The following GRIK2 variants were observed in gnomAD, a reference collection of about 807,000 sequenced individuals.
GRIK2 encodes the protein glutamate ionotropic receptor kainate type subunit 2.
GRIK2 carries 32 observed loss-of-function variants against 100.3 expected under a neutral mutation model. The observed-to-expected ratio is 0.32, with a 90% confidence interval of 0.24 to 0.43. The LOEUF (loss-of-function observed/expected upper bound fraction) is 0.43. Ranked by LOEUF, GRIK2 falls within the 20% of genes least tolerant of loss-of-function variation. GRIK2 has a pLI of 1.00. For missense variants in GRIK2, 843 were observed against 1,114.9 expected, an observed-to-expected ratio of 0.76 and a Z score of 3.47; for synonymous variants, 417 against 389.4, an observed-to-expected ratio of 1.07 and a Z score of -0.83.
intron 2 of GRIK2, among the ~76,000 whole-genome samples, chr6:101,615,151 T>A (rs536768859): frequency 1.3e-5 from 2 of 151,908 alleles, no homozygotes; most frequent in Admixed American, 6.6e-5. Flanking sequence ...CTTCTTTTTT[T>A]CTTCTTTTAA....
At chr6:101,564,109 T>C (rs575622921) in intron 2 of GRIK2, among the ~76,000 whole-genome samples, 2 of 152,328 alleles carry the variant, frequency 1.3e-5, no homozygotes, top group South Asian at 2.1e-4. Flanking sequence ...ATTAGGCTAA[T>C]TGCTAGAAGT....
intron 13 of GRIK2, chr6:101,927,470 A>G (rs1789975584): frequency 6.5e-6 from 1 of 152,948 alleles, no homozygotes; most frequent in South Asian, 2.1e-4. Context: ...AATTTAGTAT[A>G]CCTTACTTAT....
chr6:101,968,430 T>A (rs1792834385), intron 14 of GRIK2, among the ~76,000 whole-genome samples: 1 of 152,018 alleles, frequency 6.6e-6, no homozygotes, highest in South Asian at 2.1e-4. Flanking sequence ...TTAGTGTCAG[T>A]TTTTTACATG....
chr6:101,705,499 A>G (rs530143512), intron 7 of GRIK2, among the ~76,000 whole-genome samples: 1 of 151,952 alleles, frequency 6.6e-6, no homozygotes, highest in Non-Finnish European at 1.5e-5. Context: ...ATTGGTTATT[A>G]GAACATTTTC....
intron 4 of GRIK2, among the ~76,000 whole-genome samples, chr6:101,659,021 T>G (rs1439959797): frequency 6.6e-6 from 1 of 152,194 alleles, no homozygotes; most frequent in African/African-American, 2.4e-5. Flanking sequence ...CAGAAGCTGT[T>G]TAGTTTAATT....
chr6:101,897,318 A>AT lies in GRIK2; in HGVS notation c.1748+7461dup, dbSNP rs536732655. Among the ~76,000 whole-genome samples the AT allele has an allele frequency of 3.4e-4, 52 of 151,654 alleles. No individual in the cohort carries two copies. In the South Asian group the frequency reaches 3.9e-3, roughly 12 times the overall value. ...ACCAACAGGATAAGGAAAAACAATC[A>AT]TTTTTTACCAAGTGATACACTTTTT... On this transcript the variant is annotated intron_variant, in intron 12 of 16. Transcript: ENST00000369134.
At chr6:101,671,843 G>A (rs2128338173) in intron 4 of GRIK2, among the ~76,000 whole-genome samples, 1 of 152,240 alleles carries the variant, frequency 6.6e-6, no homozygotes, top group Admixed American at 6.5e-5. Context: ...CAGCCTGGGT[G>A]AGAGTCTGAG....
chr6:101,873,783 C>G (rs1010272863), intron 11 of GRIK2, among the ~76,000 whole-genome samples: 29 of 151,888 alleles, frequency 1.9e-4, no homozygotes, highest in Non-Finnish European at 4.4e-5. Context: ...TTAATGATCA[C>G]CATTCTAACT....
intron 11 of GRIK2, among the ~76,000 whole-genome samples, chr6:101,864,321 C>T (rs1453684751): frequency 6.6e-6 from 1 of 152,146 alleles, no homozygotes; most frequent in Non-Finnish European, 1.5e-5. Flanking sequence ...AATTTAAATG[C>T]TTCAGGACAG....
intron 7 of GRIK2, among the ~76,000 whole-genome samples, chr6:101,746,137 A>G (rs1413004670): frequency 2.0e-5 from 3 of 152,198 alleles, no homozygotes; most frequent in African/African-American, 7.2e-5. Context: ...GTTGAATAAT[A>G]ATTCTAGGAG....
At chr6:101,487,291 T>C (rs879523418) in intron 2 of GRIK2, among the ~76,000 whole-genome samples, 3 of 146,522 alleles carry the variant, frequency 2.0e-5, no homozygotes, top group Non-Finnish European at 4.5e-5. Context: ...GAAACACTGG[T>C]CTAAAAGTTC....
rs1282353016 is a variant in GRIK2 at position 101,892,478 on chromosome 6, G to C, written c.1748+2615G>C. 6.7e-4 allele frequency among the ~76,000 whole-genome samples: 102 copies of C among 151,798 alleles called. 1 individual carries two copies. Among genetic ancestry groups the C allele is most frequent in the Admixed American group, 6.6e-3 (101 of 15,222 alleles). Reference sequence around the variant, plus strand: ...CTGATTTTACGTGAAAGAAATTCAAGTATGTCATCCTATTTGAGAACATAA... The same window carrying C: ...CTGATTTTACGTGAAAGAAATTCAACTATGTCATCCTATTTGAGAACATAA... On this transcript the variant is annotated intron_variant, in intron 12 of 16. Transcript: ENST00000369134.
intron 2 of GRIK2, among the ~76,000 whole-genome samples, chr6:101,531,771 C>T (rs904664225): frequency 2.0e-5 from 3 of 151,836 alleles, no homozygotes; most frequent in Non-Finnish European, 4.4e-5. Context: ...TCCAGGCTAT[C>T]AGAAATCTGA....
chr6:101,700,393 G>T (rs930967168), intron 7 of GRIK2, among the ~76,000 whole-genome samples: 6 of 151,936 alleles, frequency 3.9e-5, no homozygotes, highest in African/African-American at 1.4e-4. Flanking sequence ...ACATAAAATA[G>T]CATTTTGATA....
In GRIK2 at chr6:102,026,111, C is replaced by CATATATATAT. The variant is rs6149730; in HGVS notation, c.2086-9195_2086-9186dup. ...GTAAAGGCATATACATATACACTTACATATATATATATATATATATATATA... is the reference window on the plus strand; with the variant it reads ...GTAAAGGCATATACATATACACTTACATATATATATATATATATATATATATATATATATA... On this transcript the variant is annotated intron_variant, in intron 14 of 16. Transcript: ENST00000369134. Among the ~76,000 whole-genome samples the CATATATATAT allele has an allele frequency of 1.1e-3, 114 of 100,162 alleles. 3 individuals are homozygous for CATATATATAT. The highest frequency in any genetic ancestry group is 1.5e-3 in the Non-Finnish European group (78 of 50,450). 65.7% of individuals were successfully genotyped at this position (100,162 alleles called of 152,430 possible). A position where few individuals can be genotyped will look rare whatever the true frequency, so the allele number is the denominator to read the frequency against.
intron 2 of GRIK2, among the ~76,000 whole-genome samples, chr6:101,453,891 A>G (rs1275048039): frequency 1.3e-5 from 2 of 152,132 alleles, no homozygotes; most frequent in Non-Finnish European, 2.9e-5. Flanking sequence ...TAAATTCTAT[A>G]TAAAACATGC....
Position 101,595,698 on chromosome 6 carries a change from A to ATGTGTG in GRIK2, c.116-26235_116-26230dup, listed in dbSNP as rs200462444. On this transcript the variant is annotated intron_variant, in intron 2 of 16. Transcript: ENST00000369134. The stretch of plus-strand genomic sequence containing the variant: ...AATATATTTGTGCATGTATATATAT[A>ATGTGTG]TGTGTGTGTGTGTGTGTGTGTATAT... Among the ~76,000 whole-genome samples, 697 of 136,704 alleles carry ATGTGTG rather than the reference A, an allele frequency of 5.1e-3. 8 individuals carry two copies. Among genetic ancestry groups the ATGTGTG allele is most frequent in the African/African-American group, 0.016 (573 of 35,794 alleles). The allele number at this position is 136,704 out of a possible 152,430, so 89.7% of individuals were successfully genotyped here. A position where few individuals can be genotyped will look rare whatever the true frequency, so the allele number is the denominator to read the frequency against.
chr6:101,820,063 T>A (rs896617899), intron 10 of GRIK2, among the ~76,000 whole-genome samples: 6 of 152,190 alleles, frequency 3.9e-5, no homozygotes, highest in African/African-American at 1.2e-4. Flanking sequence ...TTTAATTGAA[T>A]TGGGATAACC....
chr6:101,786,181 A>C lies in GRIK2; in HGVS notation c.952-13467A>C, dbSNP rs369777658. ...ATTTTGTGTTCTACAACTTTACTGAATTTGCCAAATAGAGTTTTTGGTGGA... is the reference window on the plus strand; with the variant it reads ...ATTTTGTGTTCTACAACTTTACTGACTTTGCCAAATAGAGTTTTTGGTGGA... On this transcript the variant is annotated intron_variant, in intron 7 of 16. Coordinates refer to ENST00000369134, the MANE Select transcript of GRIK2 (RefSeq NM_021956.5). Among the ~76,000 whole-genome samples the C allele has an allele frequency of 2.0e-5, 3 of 151,932 alleles. No homozygotes were observed. The South Asian group carries it at 6.2e-4, about 32-fold the overall frequency.
Sources: allele counts gnomAD v4.1 joint callset (sites outside exome capture counted in the v4.1 genomes callset), GRCh38; gene constraint gnomAD v4.1.1; transcripts MANE v1.5; gene names NCBI Gene and HGNC (gene_info 2026-07-23, HGNC 2026-07-21).